PCSK5: variants seen among roughly 807,000 people sequenced by gnomAD.
PCSK5 encodes proprotein convertase subtilisin/kexin type 5.
A neutral mutation model predicts 233.2 loss-of-function variants in PCSK5; 129 were observed. That is an observed-to-expected ratio of 0.55 (90% CI 0.48 to 0.64). The LOEUF is 0.64. Ranked by LOEUF, PCSK5 falls within the 30% of genes least tolerant of loss-of-function variation. The probability of loss-of-function intolerance (pLI) is 0.00; values close to 1 mark genes in which losing one functional copy is unlikely to be tolerated. For missense variants in PCSK5, 2,076 were observed against 2,430.1 expected (o/e 0.85, Z 3.06); for synonymous variants, 825 against 879.2 (o/e 0.94, Z 1.09).
At chr9:76,253,973 C>G (rs1393642478) in intron 24 of PCSK5, among the ~76,000 whole-genome samples, 1 of 152,176 alleles carries the variant, frequency 6.6e-6, no homozygotes, top group Non-Finnish European at 1.5e-5. Flanking sequence ...GTTTATTTCT[C>G]TCTCATGCTA....
intron 10 of PCSK5, among the ~76,000 whole-genome samples, chr9:76,140,791 T>A (rs1455633949): frequency 6.6e-6 from 1 of 152,150 alleles, no homozygotes; most frequent in African/African-American, 2.4e-5. Flanking sequence ...ACTTAGGAAC[T>A]AATGATAGAA....
rs1587309356 is a variant in PCSK5, at chr9:76,310,557, C to T, written c.3689-99C>T. ...ATTTTGGTAAGCCTGAAATAAGTGCCTGGATACTTTGGTCTTTGGAAAGCT... is the reference window on the plus strand; with the variant it reads ...ATTTTGGTAAGCCTGAAATAAGTGCTTGGATACTTTGGTCTTTGGAAAGCT... On this transcript the variant is annotated intron_variant, in intron 29 of 37. Coordinates refer to ENST00000674117, the MANE Select transcript of PCSK5 (RefSeq NM_001372043.1). The T allele has an allele frequency of 5.8e-6, 4 of 690,772 alleles. No homozygotes were observed. The East Asian group carries it at 1.2e-4, about 20-fold the overall frequency. 42.8% of individuals were successfully genotyped at this position (690,772 alleles called of 1,614,324 possible).
At position 76,308,835 on chromosome 9, in the gene PCSK5, C is replaced by G. The variant is rs555402955; in HGVS notation, c.3688+107C>G. The G allele has an allele frequency of 4.4e-6, 3 of 680,408 alleles. No individual in the cohort carries two copies. In the South Asian group the frequency reaches 5.1e-5, roughly 12 times the overall value. 42.1% of individuals were successfully genotyped at this position (680,408 alleles called of 1,614,324 possible). A position where few individuals can be genotyped will look rare whatever the true frequency, so the allele number is the denominator to read the frequency against. On this transcript the variant is annotated intron_variant, in intron 29 of 37. Coordinates refer to ENST00000674117, the MANE Select transcript of PCSK5 (RefSeq NM_001372043.1). ...AGGTCTGTAAGGCCTTGATCTATTC[C>G]CATCACATGTTCCTATTACAGTGGC...
rs79237369 is a variant in PCSK5, at chr9:76,211,968, C to T, written c.2627-15535C>T. The stretch of plus-strand genomic sequence containing the variant: ...CAGCAAGCACTGCACCTTTTACCTG[C>T]TAATGCTGGTTCATCTTTTACCTAG... On this transcript the variant is annotated intron_variant, in intron 20 of 37. Transcript: ENST00000674117. 6.6e-3 allele frequency among the ~76,000 whole-genome samples: 1,007 copies of T among 152,318 alleles called. 10 individuals are homozygous for T. Among genetic ancestry groups the T allele is most frequent in the African/African-American group, 0.023 (963 of 41,568 alleles).
intron 5 of PCSK5, among the ~76,000 whole-genome samples, chr9:76,028,634 G>A (rs1828528613): frequency 6.6e-6 from 1 of 152,140 alleles, no homozygotes; most frequent in Non-Finnish European, 1.5e-5. Flanking sequence ...AGGTTTTACA[G>A]CAGTGATGTT....
chr9:76,285,710 A>G (rs1307053274), intron 24 of PCSK5, among the ~76,000 whole-genome samples: 1 of 152,166 alleles, frequency 6.6e-6, no homozygotes, highest in East Asian at 1.9e-4. Flanking sequence ...TTCATGGCCA[A>G]TTCTGGCAGA....
intron 24 of PCSK5, among the ~76,000 whole-genome samples, chr9:76,243,855 T>A (rs1323442492): frequency 6.6e-6 from 1 of 152,234 alleles, no homozygotes; most frequent in African/African-American, 2.4e-5. Context: ...CCCAGGGTCT[T>A]AGATTTGCTG....
chr9:76,353,603 G>C (rs905861171), intron 36 of PCSK5, among the ~76,000 whole-genome samples: 8 of 152,208 alleles, frequency 5.3e-5, no homozygotes, highest in African/African-American at 1.7e-4. Context: ...GTGTTGACAG[G>C]TCTTCTAGTT....
At chr9:75,975,670 CA>C (rs369510558) in intron 2 of PCSK5, among the ~76,000 whole-genome samples, 2 of 152,204 alleles carry the variant, frequency 1.3e-5, no homozygotes, top group African/African-American at 4.8e-5. Flanking sequence ...GGTCAAAGAA[CA>C]AAAACCCATT....
intron 24 of PCSK5, among the ~76,000 whole-genome samples, chr9:76,289,943 T>G: frequency 6.6e-6 from 1 of 152,218 alleles, no homozygotes; most frequent in Admixed American, 6.5e-5. Context: ...ATTCTGAGGC[T>G]TGGTTCTGTT....
intron 3 of PCSK5, among the ~76,000 whole-genome samples, chr9:75,998,291 C>A (rs542133283): frequency 6.6e-6 from 1 of 152,078 alleles, no homozygotes; most frequent in Non-Finnish European, 1.5e-5. Context: ...ACTTTTCTTT[C>A]ATTACTGTGC....
In PCSK5 at chr9:76,257,260, A is replaced by G. The variant is rs536785260; in HGVS notation, c.3142+16576A>G. ...TATGCCACAACCAAACTGCTATTTC[A>G]TAGATGGTAGGAAGAGCTTCAAGCT... is the stretch of plus-strand genomic sequence containing the variant. On this transcript the variant is annotated intron_variant, in intron 24 of 37. Transcript: ENST00000674117. Among the ~76,000 whole-genome samples, 22 of 152,236 alleles carry G rather than the reference A, an allele frequency of 1.4e-4. No individual in the cohort carries two copies. The South Asian group carries it at 4.4e-3, about 30-fold the overall frequency.
chr9:76,177,338 T>G (rs1480589964), intron 14 of PCSK5, among the ~76,000 whole-genome samples: 1 of 152,060 alleles, frequency 6.6e-6, no homozygotes, highest in African/African-American at 2.4e-5. Flanking sequence ...AAATACAAGT[T>G]TAATGTATCT....
intron 3 of PCSK5, among the ~76,000 whole-genome samples, chr9:76,005,831 T>G (rs1827453526): frequency 6.6e-6 from 1 of 152,084 alleles, no homozygotes; most frequent in Non-Finnish European, 1.5e-5. Flanking sequence ...CTCACCTGGC[T>G]CTGTTGTCAG....
At chr9:76,027,808 G>A (rs1828492731) in intron 5 of PCSK5, among the ~76,000 whole-genome samples, 1 of 151,982 alleles carries the variant, frequency 6.6e-6, no homozygotes, top group Non-Finnish European at 1.5e-5. Context: ...TTACTATGAA[G>A]CTCCTCAGGA....
At chr9:76,093,582 T>TATATACACACAC (rs375899150) in intron 7 of PCSK5, among the ~76,000 whole-genome samples, 2,461 of 149,854 alleles carry the variant, frequency 0.016, 65 homozygotes, top group African/African-American at 0.057. Flanking sequence ...TATATATATA[T>TATATACACACAC]ACACACACAC....
At chr9:76,092,814 C>G (rs1436711839) in intron 7 of PCSK5, among the ~76,000 whole-genome samples, 1 of 152,176 alleles carries the variant, frequency 6.6e-6, no homozygotes, top group East Asian at 1.9e-4. Flanking sequence ...AGTGGACCGT[C>G]TATGGGTAAA....
chr9:76,259,392 A>G (rs546008866), intron 24 of PCSK5, among the ~76,000 whole-genome samples: 7 of 151,732 alleles, frequency 4.6e-5, no homozygotes, highest in Admixed American at 3.3e-4. Flanking sequence ...CTCAGTTTAA[A>G]TGTCAGCTCC....
At chr9:75,995,542 G>A (rs1368087170) in intron 3 of PCSK5, among the ~76,000 whole-genome samples, 1 of 152,108 alleles carries the variant, frequency 6.6e-6, no homozygotes, top group Non-Finnish European at 1.5e-5. Context: ...ATCTGGGAGT[G>A]CTTTTTCTGA....
Sources: allele counts gnomAD v4.1 joint callset (sites outside exome capture counted in the v4.1 genomes callset), GRCh38; gene constraint gnomAD v4.1.1; transcripts MANE v1.5; gene names NCBI Gene and HGNC (gene_info 2026-07-23, HGNC 2026-07-21).